Variants in ELL observed in about 807,000 individuals in gnomAD.
ELL encodes elongation factor for RNA polymerase II, also known as RNA polymerase II elongation factor ELL.
ELL carries 18 observed loss-of-function variants against 64.0 expected under a neutral mutation model. That is an observed-to-expected ratio of 0.28 (90% CI 0.19 to 0.42). The LOEUF is 0.42. Ranked by LOEUF, ELL falls within the 10% of genes least tolerant of loss-of-function variation. The pLI is 1.00. For missense variants in ELL, 797 were observed against 870.4 expected (o/e 0.92, Z 1.06); for synonymous variants, 399 against 376.2 (o/e 1.06, Z -0.70).
At chr19:18,462,179 AGTGTGTGTGTGTGTGT>A (rs758119031) in intron 4 of ELL, among the ~76,000 whole-genome samples, 29 of 120,110 alleles carry the variant, frequency 2.4e-4, no homozygotes, top group African/African-American at 5.3e-4. Context: ...TCTGGTGGGC[AGTGTGTGTGTGTGTGT>A]GTGTGTGTGT....
At chr19:18,518,820 A>G (rs904573653) in intron 1 of ELL, among the ~76,000 whole-genome samples, 1 of 151,908 alleles carries the variant, frequency 6.6e-6, no homozygotes, top group Admixed American at 6.6e-5. Flanking sequence ...AAAACTGCAC[A>G]AAGTCCAAGG....
chr19:18,518,767 G>T (rs1976186252), intron 1 of ELL, among the ~76,000 whole-genome samples: 2 of 151,958 alleles, frequency 1.3e-5, no homozygotes, highest in African/African-American at 4.8e-5. Flanking sequence ...ATCCAGCTTG[G>T]GCGACAGGGC....
intron 1 of ELL, among the ~76,000 whole-genome samples, chr19:18,473,496 T>C (rs1344322505): frequency 6.6e-6 from 1 of 152,212 alleles, no homozygotes; most frequent in Non-Finnish European, 1.5e-5. Flanking sequence ...GCCTGAGGCC[T>C]GCACAGCTCC....
chr19:18,463,217 G>A (rs35721239), intron 4 of ELL, among the ~76,000 whole-genome samples: 1 of 152,078 alleles, frequency 6.6e-6, no homozygotes, highest in Non-Finnish European at 1.5e-5. Context: ...GTTCAGTGGG[G>A]TCCTGACAGC....
Position 18,450,737 on chromosome 19 carries a change from T to C in ELL, c.1205A>G (p.Asn402Ser). The stretch of plus-strand genomic sequence containing the variant: ...GTCTCGGCCGCTGTGGCCCAGGTCA[T>C]TGCTGACATCGGCCAGGGGGTCGTG... The part of the protein sequence containing the change: ...RAHDPLADVS[N>S]DLGHSGRDCE... Residue 402 changes from asparagine to serine, a missense_variant, in exon 8 of 12, where the codon AAT becomes AGT. Asn to Ser is a conservative substitution (Grantham distance 46). Transcript: ENST00000262809. The C allele has an allele frequency of 6.3e-7, 1 of 1,584,824 alleles. No individual in the cohort carries two copies. Among genetic ancestry groups the C allele is most frequent in the Non-Finnish European group, 8.6e-7 (1 of 1,165,776 alleles).
rs1975504049 is a variant in ELL, at chr19:18,490,453, T to C, written c.136-17571A>G. Among the ~76,000 whole-genome samples the C allele has an allele frequency of 2.0e-5, 3 of 152,286 alleles. No individual in the cohort carries two copies. The South Asian group carries it at 6.2e-4, about 32-fold the overall frequency. ...ACTTGGTGGTGACCTCACATTGTCCTCCCCGCAGCGGGAGCCCATGGGCAG... is the reference window on the plus strand; with the variant it reads ...ACTTGGTGGTGACCTCACATTGTCCCCCCCGCAGCGGGAGCCCATGGGCAG... On this transcript the variant is annotated intron_variant, in intron 1 of 11. Transcript: ENST00000262809.
chr19:18,466,624 G>A (rs1974941695), intron 2 of ELL, among the ~76,000 whole-genome samples: 1 of 152,218 alleles, frequency 6.6e-6, no homozygotes. Flanking sequence ...TGGACGGACT[G>A]CGCTGGTCCC....
intron 2 of ELL, 32 bp from the exon 3 acceptor site, chr19:18,465,950 G>A: frequency 1.6e-6 from 2 of 1,278,914 alleles, no homozygotes; most frequent in Non-Finnish European, 2.0e-6. Context: ...GTCACTGGGA[G>A]GTCCTCGGCA....
At chr19:18,512,841 A>G (rs1976054538) in intron 1 of ELL, among the ~76,000 whole-genome samples, 2 of 152,152 alleles carry the variant, frequency 1.3e-5, no homozygotes, top group Non-Finnish European at 2.9e-5. Context: ...CCAAATTGTC[A>G]GTGGGAGCAG....
At chr19:18,512,902 A>G (rs1410554017) in intron 1 of ELL, among the ~76,000 whole-genome samples, 1 of 152,152 alleles carries the variant, frequency 6.6e-6, no homozygotes, top group African/African-American at 2.4e-5. Context: ...ATCCTTCAAG[A>G]GAGACGCCTC....
chr19:18,510,392 G>A (rs1351920897), intron 1 of ELL, among the ~76,000 whole-genome samples: 1 of 152,114 alleles, frequency 6.6e-6, no homozygotes, highest in Non-Finnish European at 1.5e-5. Flanking sequence ...AGAGAAACCT[G>A]CATCCCAACA....
At chr19:18,488,982 G>A (rs2013071) in intron 1 of ELL, among the ~76,000 whole-genome samples, 5,114 of 152,322 alleles carry the variant, frequency 0.034, 299 homozygotes, top group African/African-American at 0.12. Flanking sequence ...GCGGGTCCCT[G>A]CATCTGCAGA....
intron 1 of ELL, among the ~76,000 whole-genome samples, chr19:18,475,247 T>C (rs949268372): frequency 5.7e-4 from 87 of 152,060 alleles, no homozygotes; most frequent in Non-Finnish European, 3.4e-4. Context: ...ACTGTAACCA[T>C]AGTGACCTAG....
At chr19:18,513,596 T>C (rs551941267) in intron 1 of ELL, among the ~76,000 whole-genome samples, 1 of 152,010 alleles carries the variant, frequency 6.6e-6, no homozygotes, top group Admixed American at 6.6e-5. Context: ...ATACTGCTTA[T>C]ATAGTAAAAA....
intron 1 of ELL, among the ~76,000 whole-genome samples, chr19:18,515,081 G>A (rs982723447): frequency 6.6e-6 from 1 of 152,232 alleles, no homozygotes; most frequent in Non-Finnish European, 1.5e-5. Context: ...AGTGAGCGCT[G>A]CCTGCTGTTT....
intron 1 of ELL, among the ~76,000 whole-genome samples, chr19:18,521,295 C>G (rs1224337557): frequency 6.6e-6 from 1 of 152,080 alleles, no homozygotes; most frequent in Non-Finnish European, 1.5e-5. Context: ...CAGTTTCTGC[C>G]CAAACTCCCC....
chr19:18,517,784 A>G (rs555138350), intron 1 of ELL, among the ~76,000 whole-genome samples: 96 of 151,262 alleles, frequency 6.3e-4, no homozygotes, highest in Non-Finnish European at 7.4e-4. Context: ...CACTCTGGGC[A>G]GCTGAGGTGG....
At chr19:18,505,101 G>A (rs1035436229) in intron 1 of ELL, among the ~76,000 whole-genome samples, 9 of 152,294 alleles carry the variant, frequency 5.9e-5, no homozygotes, top group East Asian at 1.9e-4. Flanking sequence ...GACTGAGAAC[G>A]ATGGGCAACT....
At chr19:18,503,003 G>A (rs1045173716) in intron 1 of ELL, among the ~76,000 whole-genome samples, 3 of 152,258 alleles carry the variant, frequency 2.0e-5, no homozygotes, top group Middle Eastern at 3.2e-3. Context: ...CACAGGGCTG[G>A]GAGGCACTGC....
Sources: gnomAD v4.1 joint callset for allele counts (sites outside exome capture counted in the v4.1 genomes callset) on GRCh38, gnomAD v4.1.1 for gene constraint, MANE v1.5 for transcripts, NCBI Gene and HGNC (gene_info 2026-07-23, HGNC 2026-07-21) for gene names.